ZBTB20: variants seen among roughly 807,000 people sequenced by gnomAD.
The protein encoded by ZBTB20 is zinc finger and BTB domain containing 20, also known as zinc finger and BTB domain-containing protein 20.
Under a neutral mutation model 56.9 loss-of-function variants are expected in ZBTB20, and 9 were observed. The ratio of observed to expected loss-of-function variants is 0.16; its 90% CI spans 0.10 to 0.28. The LOEUF (loss-of-function observed/expected upper bound fraction) is 0.28, where lower values mean the gene tolerates loss of function less well. Among genes scored for constraint, ZBTB20 ranks in the 10% least tolerant of loss-of-function variants. The probability of loss-of-function intolerance (pLI) is 1.00; values close to 1 mark genes in which losing one functional copy is unlikely to be tolerated. For missense variants in ZBTB20, 655 were observed against 1,003.0 expected, an observed-to-expected ratio of 0.65 and a Z score of 4.69; for synonymous variants, 417 against 420.7, an observed-to-expected ratio of 0.99 and a Z score of 0.11.
At chr3:115,085,814 A>G (rs1211953188) in intron 1 of ZBTB20, among the ~76,000 whole-genome samples, 2 of 152,024 alleles carry the variant, frequency 1.3e-5, no homozygotes, top group East Asian at 3.9e-4. Context: ...ATGAAATATG[A>G]TTTCCACACT....
At chr3:115,127,422 T>G (rs2084364648) in intron 1 of ZBTB20, among the ~76,000 whole-genome samples, 1 of 152,108 alleles carries the variant, frequency 6.6e-6, no homozygotes, top group Admixed American at 6.5e-5. Context: ...AAACCATGTC[T>G]GTACTAAAAA....
intron 6 of ZBTB20, among the ~76,000 whole-genome samples, chr3:114,557,591 C>T (rs1473081109): frequency 6.6e-6 from 1 of 151,882 alleles, no homozygotes; most frequent in Non-Finnish European, 1.5e-5. Context: ...TTCAACATCA[C>T]TTTAAGTCAG....
chr3:114,375,702 G>A (rs1004608609), intron 10 of ZBTB20: 4 of 152,164 alleles, frequency 2.6e-5, no homozygotes, highest in African/African-American at 9.7e-5. Context: ...GGACTAAAAG[G>A]TTTATTCACA....
intron 6 of ZBTB20, among the ~76,000 whole-genome samples, chr3:114,664,547 C>T (rs1375185546): frequency 2.6e-5 from 4 of 151,872 alleles, no homozygotes; most frequent in Non-Finnish European, 5.9e-5. Context: ...TGAAGCACTA[C>T]TTGAATTGCA....
chr3:114,905,358 C>T (rs2075281818), intron 3 of ZBTB20, among the ~76,000 whole-genome samples: 2 of 151,898 alleles, frequency 1.3e-5, no homozygotes, highest in Non-Finnish European at 2.9e-5. Context: ...GTATACATCC[C>T]TGGGGTCTTA....
At chr3:114,463,535 C>T (rs1389875027) in intron 7 of ZBTB20, among the ~76,000 whole-genome samples, 1 of 152,024 alleles carries the variant, frequency 6.6e-6, no homozygotes, top group Non-Finnish European at 1.5e-5. Context: ...GAACATATTC[C>T]CTAAGTAAGA....
At chr3:115,080,831 C>T (rs2082770967) in intron 1 of ZBTB20, among the ~76,000 whole-genome samples, 1 of 151,970 alleles carries the variant, frequency 6.6e-6, no homozygotes, top group African/African-American at 2.4e-5. Flanking sequence ...AACAAGTATG[C>T]AAGAAAAGCC....
At chr3:114,473,985 C>T (rs1480836375) in intron 7 of ZBTB20, among the ~76,000 whole-genome samples, 1 of 152,230 alleles carries the variant, frequency 6.6e-6, no homozygotes, top group Non-Finnish European at 1.5e-5. Context: ...GCCTCACAAT[C>T]ATGGCAGAAG....
intron 6 of ZBTB20, among the ~76,000 whole-genome samples, chr3:114,510,864 C>A (rs1398122565): frequency 6.6e-6 from 1 of 152,042 alleles, no homozygotes; most frequent in Non-Finnish European, 1.5e-5. Context: ...AGCTCCTTCC[C>A]TATCCCGAAT....
intron 5 of ZBTB20, among the ~76,000 whole-genome samples, chr3:114,798,018 T>C (rs2071436060): frequency 6.6e-6 from 1 of 152,014 alleles, no homozygotes; most frequent in Non-Finnish European, 1.5e-5. Flanking sequence ...AGCAAGTAAT[T>C]CATTTTAAAA....
intron 6 of ZBTB20, among the ~76,000 whole-genome samples, chr3:114,515,579 A>C (rs2045895136): frequency 6.6e-6 from 1 of 152,082 alleles, no homozygotes; most frequent in Non-Finnish European, 1.5e-5. Context: ...TCATTACTCT[A>C]TTTAACTGGT....
rs2066843704 is a variant in ZBTB20 at position 114,744,063 on chromosome 3, T to C, written c.-342-50488A>G. ...TTTTTATTCAATCAAACTGTTAAGG[T>C]ACCAACCACGCACTTTCATCTATAA... On this transcript the variant is annotated intron_variant, in intron 5 of 11. Coordinates refer to ENST00000675478, the MANE Select transcript of ZBTB20 (RefSeq NM_001348800.3). 1.3e-5 allele frequency among the ~76,000 whole-genome samples: 2 copies of C among 152,208 alleles called. 1 individual carries two copies. Among genetic ancestry groups the C allele is most frequent in the African/African-American group, 4.8e-5 (2 of 41,460 alleles).
At chr3:114,441,912 C>A (rs2090958506) in intron 7 of ZBTB20, among the ~76,000 whole-genome samples, 1 of 151,788 alleles carries the variant, frequency 6.6e-6, no homozygotes, top group Admixed American at 6.6e-5. Flanking sequence ...AAAAAACCAC[C>A]AACAAAACAA....
intron 6 of ZBTB20, among the ~76,000 whole-genome samples, chr3:114,546,117 T>C (rs895174336): frequency 2.6e-5 from 4 of 152,216 alleles, no homozygotes; most frequent in Non-Finnish European, 5.9e-5. Context: ...CTGGCACAAC[T>C]AGAGTAAATC....
intron 11 of ZBTB20, among the ~76,000 whole-genome samples, chr3:114,343,142 TG>T (rs2079917394): frequency 7.7e-6 from 1 of 130,524 alleles, no homozygotes. Context: ...GACTGAAAAG[TG>T]AAAAAAAAAA....
intron 5 of ZBTB20, among the ~76,000 whole-genome samples, chr3:114,788,462 C>T (rs577935856): frequency 6.6e-6 from 1 of 152,260 alleles, no homozygotes; most frequent in South Asian, 2.1e-4. Flanking sequence ...AAAGTTTTAT[C>T]CATGCTATAG....
intron 4 of ZBTB20, among the ~76,000 whole-genome samples, chr3:114,838,305 G>T (rs2074216113): frequency 6.6e-6 from 1 of 152,138 alleles, no homozygotes; most frequent in Non-Finnish European, 1.5e-5. Flanking sequence ...AAGAATTTAA[G>T]AACCACTTTC....
chr3:114,483,734 C>T (rs369252841), intron 7 of ZBTB20, among the ~76,000 whole-genome samples: 3 of 152,080 alleles, frequency 2.0e-5, no homozygotes, highest in African/African-American at 4.8e-5. Flanking sequence ...TTGCTACTTT[C>T]GAAGAGTGAA....
rs2079134001 is a variant in ZBTB20, at chr3:114,328,541, C to G, written c.*10464G>C. The G allele has an allele frequency of 6.6e-6, 1 of 151,568 alleles. No homozygotes were observed. Among genetic ancestry groups the G allele is most frequent in the African/African-American group, 2.4e-5 (1 of 41,294 alleles). The allele number at this position is 151,568 out of a possible 1,614,324, so 9.4% of individuals were successfully genotyped here. A position where few individuals can be genotyped will look rare whatever the true frequency, so the allele number is the denominator to read the frequency against. ...AAAATATTTTTCTCTTCATTTTTGG[C>G]CAAACGTGAAGGTAAGGGGAATTAA... On this transcript the variant is annotated 3_prime_UTR_variant, in exon 12 of 12. Transcript: ENST00000675478.
Sources: gnomAD v4.1 joint callset for allele counts (sites outside exome capture counted in the v4.1 genomes callset) on GRCh38, gnomAD v4.1.1 for gene constraint, MANE v1.5 for transcripts, NCBI Gene and HGNC (gene_info 2026-07-23, HGNC 2026-07-21) for gene names.